ZNF831: variants seen among roughly 807,000 people sequenced by gnomAD.
ZNF831 encodes the protein zinc finger protein 831, also known as chromosome 20 open reading frame 174.
A neutral mutation model predicts 95.8 loss-of-function variants in ZNF831; 59 were observed. That is an observed-to-expected ratio of 0.62 (90% CI 0.50 to 0.77). The LOEUF is 0.77. Among genes scored for constraint, ZNF831 ranks in the 30% least tolerant of loss-of-function variants. The pLI is 0.00. For missense variants in ZNF831, 2,205 were observed against 2,164.0 expected (o/e 1.02, Z -0.38); for synonymous variants, 961 against 925.5 (o/e 1.04, Z -0.70).
intron 4 of ZNF831, among the ~76,000 whole-genome samples, chr20:59,245,108 G>A (rs1987525099): frequency 6.6e-6 from 1 of 152,188 alleles, no homozygotes; most frequent in African/African-American, 2.4e-5. Context: ...CAAAGCCACG[G>A]TGAAGCTTTG....
chr20:59,251,342 C>T (rs1429243817), intron 4 of ZNF831, among the ~76,000 whole-genome samples: 1 of 152,172 alleles, frequency 6.6e-6, no homozygotes. Context: ...AAAAAGATTT[C>T]ATCCAAAGGA....
At chr20:59,227,305 A>G (rs577423357) in intron 4 of ZNF831, among the ~76,000 whole-genome samples, 2 of 152,322 alleles carry the variant, frequency 1.3e-5, no homozygotes, top group East Asian at 3.9e-4. Context: ...TTGATTTTTA[A>G]GGGAACTATT....
At chr20:59,246,863 C>T (rs1176843018) in intron 4 of ZNF831, among the ~76,000 whole-genome samples, 1 of 152,220 alleles carries the variant, frequency 6.6e-6, no homozygotes, top group Non-Finnish European at 1.5e-5. Flanking sequence ...TCTCCCCCAA[C>T]CCTCCCTGCC....
At chr20:59,235,448 A>G (rs1986949669) in intron 4 of ZNF831, among the ~76,000 whole-genome samples, 1 of 151,896 alleles carries the variant, frequency 6.6e-6, no homozygotes, top group Non-Finnish European at 1.5e-5. Flanking sequence ...CACCCCACTT[A>G]TGTTTCCTGT....
Position 59,259,013 on chromosome 20 carries a change from A to G in ZNF831, c.*4270A>G, listed in dbSNP as rs1002515015. On this transcript the variant is annotated 3_prime_UTR_variant, in exon 6 of 6. Coordinates refer to ENST00000371030, the MANE Select transcript of ZNF831 (RefSeq NM_178457.3). ...GGATTTACTACTCAATTGGTTGTTC[A>G]CAATCAGGGAAATGATTGGCTTCTT... 1 of 152,242 alleles carries G rather than the reference A, an allele frequency of 6.6e-6. No homozygotes were observed. The highest frequency in any genetic ancestry group is 1.5e-5 in the Non-Finnish European group (1 of 68,040). 9.4% of individuals were successfully genotyped at this position (152,242 alleles called of 1,614,324 possible). A position where few individuals can be genotyped will look rare whatever the true frequency, so the allele number is the denominator to read the frequency against.
chr20:59,184,436 G>A (rs1025150776), intron 1 of ZNF831, among the ~76,000 whole-genome samples: 1 of 151,168 alleles, frequency 6.6e-6, no homozygotes, highest in Non-Finnish European at 1.5e-5. Flanking sequence ...TGAAAATTGC[G>A]ATACAACATA....
chr20:59,157,335 T>C (rs1980596969), intron 2 of ZNF831, among the ~76,000 whole-genome samples: 1 of 152,044 alleles, frequency 6.6e-6, no homozygotes, highest in Non-Finnish European at 1.5e-5. Context: ...ACTGAAAGTG[T>C]GGGGGCGGAT....
intron 1 of ZNF831, among the ~76,000 whole-genome samples, chr20:59,129,965 C>T (rs1317533196): frequency 6.6e-6 from 1 of 152,316 alleles, no homozygotes; most frequent in East Asian, 1.9e-4. Context: ...TAGACTCAGA[C>T]CATATGCAGA....
At chr20:59,149,119 C>CA (rs1568726318) in intron 2 of ZNF831, among the ~76,000 whole-genome samples, 1 of 152,160 alleles carries the variant, frequency 6.6e-6, no homozygotes, top group African/African-American at 2.4e-5. Flanking sequence ...ATGGGTCAGA[C>CA]AAGGTAAGGG....
At chr20:59,253,859 T>TGCC in intron 5 of ZNF831, 39 bp from the exon 6 acceptor site, 1 of 915,766 alleles carries the variant, frequency 1.1e-6, no homozygotes, top group Non-Finnish European at 1.4e-6. Flanking sequence ...CCAATTAACC[T>TGCC]CCCCCCCCAC....
chr20:59,137,286 T>G (rs1296055239), intron 1 of ZNF831, among the ~76,000 whole-genome samples: 1 of 152,118 alleles, frequency 6.6e-6, no homozygotes, highest in Non-Finnish European at 1.5e-5. Flanking sequence ...CATCTTTTTT[T>G]TTTTTTTGTG....
At position 59,193,024 on chromosome 20, in the gene ZNF831, G is replaced by A. The variant is rs2146575931; in HGVS notation, c.2005G>A (p.Gly669Ser). ...GCAGAAAGAGGCAGCAGGGAGCTCAGGCACAGTCCCCACCCAAGACAGGAG... is the reference window on the plus strand; with the variant it reads ...GCAGAAAGAGGCAGCAGGGAGCTCAAGCACAGTCCCCACCCAAGACAGGAG... ...PLQKEAAGSS[G>S]TVPTQDRRTP... is the part of the protein sequence containing the mutation. Residue 669 changes from glycine to serine, a missense_variant, in exon 2 of 6, where the codon GGC becomes AGC. Coordinates refer to ENST00000371030, the MANE Select transcript of ZNF831 (RefSeq NM_178457.3). 3 of 1,574,572 alleles carry A rather than the reference G, an allele frequency of 1.9e-6. No individual in the cohort carries two copies. The highest frequency in any genetic ancestry group is 1.8e-5 in the Admixed American group (1 of 55,958).
chr20:59,179,483 C>T (rs574483688), intron 1 of ZNF831, among the ~76,000 whole-genome samples: 12 of 152,198 alleles, frequency 7.9e-5, no homozygotes, highest in East Asian at 5.8e-4. Context: ...AGGAGACCAG[C>T]GGCCTGAAAT....
At chr20:59,181,567 G>A (rs983989999) in intron 1 of ZNF831, among the ~76,000 whole-genome samples, 6 of 152,116 alleles carry the variant, frequency 3.9e-5, no homozygotes, top group African/African-American at 1.4e-4. Flanking sequence ...AAGGGGTCCA[G>A]TTTCTGCTTT....
At chr20:59,213,720 C>A (rs923785179) in intron 4 of ZNF831, among the ~76,000 whole-genome samples, 3 of 152,042 alleles carry the variant, frequency 2.0e-5, no homozygotes, top group African/African-American at 7.2e-5. Flanking sequence ...TGCGTTGTGT[C>A]AAAAATGGAA....
chr20:59,137,401 C>G (rs1054235713), intron 1 of ZNF831, among the ~76,000 whole-genome samples: 5 of 151,866 alleles, frequency 3.3e-5, no homozygotes, highest in African/African-American at 1.2e-4. Flanking sequence ...GGTTGGAGAA[C>G]AGGGAGTGCC....
intron 1 of ZNF831, among the ~76,000 whole-genome samples, chr20:59,133,724 G>T (rs1442671798): frequency 6.6e-6 from 1 of 152,188 alleles, no homozygotes; most frequent in Non-Finnish European, 1.5e-5. Context: ...TCATCTCCCT[G>T]CATTCTGTCA....
At position 59,217,581 on chromosome 20, in the gene ZNF831, T is replaced by C. The variant is rs1360436836; in HGVS notation, c.4027+10525T>C. On this transcript the variant is annotated intron_variant, in intron 4 of 5. Coordinates refer to ENST00000371030, the MANE Select transcript of ZNF831 (RefSeq NM_178457.3). This position sits in a 1 kb window ranked among gnomAD's most constrained non-coding sequence, Gnocchi z 4.4. Reference sequence around the variant, plus strand: ...AGTAGCATATTAAATACCTCTCTTTTCCTCCAGTTTATAAAACTTTTTCTT... The same window carrying C: ...AGTAGCATATTAAATACCTCTCTTTCCCTCCAGTTTATAAAACTTTTTCTT... Among the ~76,000 whole-genome samples the C allele has an allele frequency of 6.6e-6, 1 of 152,182 alleles. No homozygotes were observed. Among genetic ancestry groups the C allele is most frequent in the Non-Finnish European group, 1.5e-5 (1 of 68,026 alleles).
chr20:59,241,948 T>C (rs1361961906), intron 4 of ZNF831, among the ~76,000 whole-genome samples: 1 of 152,226 alleles, frequency 6.6e-6, no homozygotes, highest in Non-Finnish European at 1.5e-5. Flanking sequence ...AACAGAACAA[T>C]ATTCCCCCAT....
Sources: allele counts gnomAD v4.1 joint callset (sites outside exome capture counted in the v4.1 genomes callset), GRCh38; gene constraint gnomAD v4.1.1; non-coding constraint Gnocchi (gnomAD v3.1); transcripts MANE v1.5; gene names NCBI Gene and HGNC (gene_info 2026-07-23, HGNC 2026-07-21).